ZMYND8: variants seen among roughly 807,000 people sequenced by gnomAD.
ZMYND8 encodes the protein zinc finger MYND-type containing 8, also known as MYND-type zinc finger-containing chromatin reader ZMYND8.
A neutral mutation model predicts 140.8 loss-of-function variants in ZMYND8; 37 were observed. The observed-to-expected ratio is 0.26, with a 90% CI of 0.20 to 0.35. The LOEUF is 0.35. ZMYND8 is among the 10% of genes least tolerant of loss of function. The pLI is 1.00. For synonymous variants in ZMYND8, 592 were observed against 597.1 expected (o/e 0.99, Z 0.12); for missense variants, 1,068 against 1,570.0 (o/e 0.68, Z 5.40).
At chr20:47,324,820 C>T (rs965515415) in intron 2 of ZMYND8, among the ~76,000 whole-genome samples, 12 of 152,210 alleles carry the variant, frequency 7.9e-5, no homozygotes, top group Admixed American at 7.9e-4. Flanking sequence ...CTCTGACCAC[C>T]CCAGCCTCCA....
chr20:47,317,114 A>G (rs905738798), intron 2 of ZMYND8, among the ~76,000 whole-genome samples: 1 of 151,992 alleles, frequency 6.6e-6, no homozygotes, highest in Non-Finnish European at 1.5e-5. Context: ...TTAAGAGCAC[A>G]CTCTCATTTT....
chr20:47,347,012 T>C (rs926346087), intron 2 of ZMYND8, among the ~76,000 whole-genome samples: 2 of 152,212 alleles, frequency 1.3e-5, no homozygotes, highest in Non-Finnish European at 2.9e-5. Context: ...TCCGGCAGTA[T>C]GCAGTAACCC....
chr20:47,353,281 A>C (rs986236071), intron 1 of ZMYND8: 1 of 152,224 alleles, frequency 6.6e-6, no homozygotes, highest in African/African-American at 2.4e-5. Context: ...GTTTTGTTGA[A>C]AATAAAAGGG....
At chr20:47,265,434 G>C (rs1261827953) in intron 11 of ZMYND8, among the ~76,000 whole-genome samples, 1 of 151,380 alleles carries the variant, frequency 6.6e-6, no homozygotes, top group Admixed American at 6.6e-5. Flanking sequence ...GGTCAAGTTT[G>C]TTTGTTTGTT....
At chr20:47,308,788 T>C (rs1457525103) in intron 3 of ZMYND8, among the ~76,000 whole-genome samples, 2 of 152,200 alleles carry the variant, frequency 1.3e-5, no homozygotes, top group South Asian at 2.1e-4. Context: ...AGAGTGAAAA[T>C]AGATTCATGC....
chr20:47,286,621 G>C lies in ZMYND8; in HGVS notation c.804+608C>G, dbSNP rs865997121. The stretch of plus-strand genomic sequence containing the variant: ...ATGAATGAATGGGAGCACACTGACA[G>C]GTTGAAGGTCATTCCATCTCATTTT... On this transcript the variant is annotated intron_variant, in intron 8 of 22. Transcript: ENST00000471951. 3.3e-5 allele frequency among the ~76,000 whole-genome samples: 5 copies of C among 152,316 alleles called. No homozygotes were observed. In the South Asian group the frequency reaches 1.0e-3, roughly 32 times the overall value.
chr20:47,293,957 G>A (rs2077469674), intron 5 of ZMYND8, among the ~76,000 whole-genome samples: 1 of 152,064 alleles, frequency 6.6e-6, no homozygotes, highest in Non-Finnish European at 1.5e-5. Context: ...CCCTTCTCCT[G>A]CTGCCATGTA....
chr20:47,255,763 T>TATATATAC (rs1304661711), intron 12 of ZMYND8, among the ~76,000 whole-genome samples: 4 of 89,026 alleles, frequency 4.5e-5, no homozygotes, highest in South Asian at 3.0e-4. Context: ...TATATATATA[T>TATATATAC]ACGGTATATA....
intron 2 of ZMYND8, among the ~76,000 whole-genome samples, chr20:47,317,848 CTT>C (rs1167804144): frequency 6.6e-6 from 1 of 152,166 alleles, no homozygotes; most frequent in African/African-American, 2.4e-5. Flanking sequence ...AAAAAGGCAA[CTT>C]AACCTCTCTG....
chr20:47,260,042 TCTC>T (rs1231528169), intron 12 of ZMYND8, among the ~76,000 whole-genome samples: 1 of 152,128 alleles, frequency 6.6e-6, no homozygotes, highest in Non-Finnish European at 1.5e-5. Flanking sequence ...ACCCTTGGCT[TCTC>T]CTGCCATACC....
intron 3 of ZMYND8, among the ~76,000 whole-genome samples, chr20:47,305,082 TA>T (rs755649444): frequency 5.5e-4 from 80 of 144,520 alleles, no homozygotes; most frequent in Non-Finnish European, 5.0e-4. Flanking sequence ...TACAAAAAGT[TA>T]AAAAAAAAAA....
At chr20:47,226,667 A>G (rs1056356193) in intron 18 of ZMYND8, among the ~76,000 whole-genome samples, 2 of 152,116 alleles carry the variant, frequency 1.3e-5, no homozygotes, top group Non-Finnish European at 2.9e-5. Flanking sequence ...AAAAAAAGGA[A>G]AGGAAAACCA....
chr20:47,245,931 A>G (rs1196005127), intron 14 of ZMYND8, 77 bp downstream of exon 14: 4 of 1,516,316 alleles, frequency 2.6e-6, no homozygotes, highest in South Asian at 2.7e-5. Flanking sequence ...TAAGGGTCAC[A>G]TAACTTTTGA....
intron 2 of ZMYND8, chr20:47,318,505 T>C (rs935997835): frequency 3.1e-5 from 11 of 355,064 alleles, no homozygotes; most frequent in East Asian, 1.5e-4. Flanking sequence ...TGGCAGAGCA[T>C]AGAAGTAAGA....
chr20:47,251,607 C>CA (rs2074180950), intron 12 of ZMYND8, among the ~76,000 whole-genome samples: 1 of 151,618 alleles, frequency 6.6e-6, no homozygotes, highest in South Asian at 2.1e-4. Context: ...ATTTACTGGA[C>CA]AAAGAACTAG....
chr20:47,321,215 T>C (rs2079920380), intron 2 of ZMYND8, among the ~76,000 whole-genome samples: 1 of 152,238 alleles, frequency 6.6e-6, no homozygotes, highest in Admixed American at 6.5e-5. Flanking sequence ...GGATCACGTC[T>C]GTATCCCTTG....
At chr20:47,351,119 G>C (rs1202649983) in intron 1 of ZMYND8, among the ~76,000 whole-genome samples, 1 of 152,196 alleles carries the variant, frequency 6.6e-6, no homozygotes, top group Non-Finnish European at 1.5e-5. Context: ...GCCTGAGCAA[G>C]AAAACCTATG....
chr20:47,309,316 T>C (rs1286958640), intron 3 of ZMYND8, among the ~76,000 whole-genome samples: 1 of 151,976 alleles, frequency 6.6e-6, no homozygotes, highest in African/African-American at 2.4e-5. Context: ...TTCATTTTTT[T>C]TTTTTTCTGA....
chr20:47,301,170 T>C (rs1416275574), intron 3 of ZMYND8, among the ~76,000 whole-genome samples: 1 of 151,346 alleles, frequency 6.6e-6, no homozygotes, highest in Non-Finnish European at 1.5e-5. Context: ...TTTTTTTTTT[T>C]TGAGATGGTG....
Sources: allele counts gnomAD v4.1 joint callset (sites outside exome capture counted in the v4.1 genomes callset), GRCh38; gene constraint gnomAD v4.1.1; transcripts MANE v1.5; gene names NCBI Gene and HGNC (gene_info 2026-07-23, HGNC 2026-07-21).